The following UBTD2 variants were observed in gnomAD, a reference collection of about 807,000 sequenced individuals.
UBTD2 encodes the protein ubiquitin domain containing 2.
UBTD2 carries 9 observed loss-of-function variants against 19.8 expected under a neutral mutation model. That is an observed-to-expected ratio of 0.46 (90% CI 0.27 to 0.79). UBTD2 has a LOEUF of 0.79. Among genes scored for constraint, UBTD2 ranks in the 30% least tolerant of loss-of-function variants. The pLI, the probability that UBTD2 is intolerant of heterozygous loss-of-function variation, is 0.14. For synonymous variants in UBTD2, 98 were observed against 103.9 expected, an observed-to-expected ratio of 0.94 and a Z score of 0.35; for missense variants, 250 against 300.4, an observed-to-expected ratio of 0.83 and a Z score of 1.24.
chr5:172,253,456 A>C (rs1370681110), intron 1 of UBTD2, among the ~76,000 whole-genome samples: 2 of 129,862 alleles, frequency 1.5e-5, no homozygotes, highest in Non-Finnish European at 3.3e-5. Flanking sequence ...CAACCCTATC[A>C]ATTTTTTTTT....
intron 2 of UBTD2, among the ~76,000 whole-genome samples, chr5:172,218,798 T>TAAAAAAAAAAAAAAAAAAAAAA (rs58608463): frequency 8.2e-5 from 10 of 121,452 alleles, no homozygotes; most frequent in Non-Finnish European, 1.3e-4. Context: ...AATAAAAAAA[T>TAAAAAAAAAAAAAAAAAAAAAA]AAAAAAAAAA....
At chr5:172,228,458 T>C (rs935086951) in intron 2 of UBTD2, among the ~76,000 whole-genome samples, 3 of 152,160 alleles carry the variant, frequency 2.0e-5, no homozygotes, top group Admixed American at 1.3e-4. Flanking sequence ...CAGTGGCTCA[T>C]GCTTGTAATC....
chr5:172,253,882 G>A (rs1295258281), intron 1 of UBTD2, among the ~76,000 whole-genome samples: 1 of 152,004 alleles, frequency 6.6e-6, no homozygotes, highest in Non-Finnish European at 1.5e-5. Flanking sequence ...TACATCAAAT[G>A]TTATCTATAA....
chr5:172,234,210 G>A lies in UBTD2; in HGVS notation c.219C>T (p.Ala73=). ...AFEGRKEIWD[A]LKAAAHAFES... Reference sequence around the variant, plus strand: ...CAAAAGCATGTGCAGCAGCCTTCAAGGCATCCCAAATCTCTTTCCGGCCTT... The same window carrying A: ...CAAAAGCATGTGCAGCAGCCTTCAAAGCATCCCAAATCTCTTTCCGGCCTT... Residue 73 remains alanine, a synonymous_variant, in exon 2 of 3, where the codon GCC becomes GCT. Coordinates refer to ENST00000393792, the MANE Select transcript of UBTD2 (RefSeq NM_152277.3). 6 of 1,614,140 alleles carry A rather than the reference G, an allele frequency of 3.7e-6. No individual in the cohort carries two copies. The Middle Eastern group carries it at 4.9e-4, about 133-fold the overall frequency.
chr5:172,283,352 G>A lies in UBTD2; in HGVS notation c.70+244C>T, dbSNP rs993347340. ...CGGGTCCGACTTCCCCGAGCCGAGCGGGGCGGTCGGCGAGGCCAAGGGCTA... is the reference window on the plus strand; with the variant it reads ...CGGGTCCGACTTCCCCGAGCCGAGCAGGGCGGTCGGCGAGGCCAAGGGCTA... On this transcript the variant is annotated intron_variant, in intron 1 of 2. Coordinates refer to ENST00000393792, the MANE Select transcript of UBTD2 (RefSeq NM_152277.3). This position sits in a 1 kb window ranked among gnomAD's most constrained non-coding sequence, Gnocchi z 4.3. 6.6e-6 allele frequency among the ~76,000 whole-genome samples: 1 copy of A among 152,208 alleles called. No individual in the cohort carries two copies. The highest frequency in any genetic ancestry group is 1.5e-5 in the Non-Finnish European group (1 of 68,028).
chr5:172,269,793 G>T (rs1206689260), intron 1 of UBTD2, among the ~76,000 whole-genome samples: 5 of 149,632 alleles, frequency 3.3e-5, no homozygotes, highest in Admixed American at 2.7e-4. Flanking sequence ...AAGAGTCAGG[G>T]TAGGCCAGGC....
rs867627976 is a variant in UBTD2 at position 172,269,229 on chromosome 5, C to A, written c.70+14367G>T. Among the ~76,000 whole-genome samples the A allele has an allele frequency of 1.2e-4, 19 of 152,182 alleles. No individual in the cohort carries two copies. In the South Asian group the frequency reaches 1.9e-3, roughly 15 times the overall value. ...TTTGGGCGGGGCGGGGTGGCTCATGCCTGTAATCCTAGCACTTCGGGAGGC... is the reference window on the plus strand; with the variant it reads ...TTTGGGCGGGGCGGGGTGGCTCATGACTGTAATCCTAGCACTTCGGGAGGC... On this transcript the variant is annotated intron_variant, in intron 1 of 2. Coordinates refer to ENST00000393792, the MANE Select transcript of UBTD2 (RefSeq NM_152277.3).
chr5:172,259,026 T>C (rs560936453), intron 1 of UBTD2, among the ~76,000 whole-genome samples: 25 of 152,304 alleles, frequency 1.6e-4, no homozygotes, highest in Non-Finnish European at 3.2e-4. Context: ...TTTGTTCTGG[T>C]TCTCAAGGGG....
intron 1 of UBTD2, among the ~76,000 whole-genome samples, chr5:172,271,695 G>C (rs1364617543): frequency 6.6e-6 from 1 of 152,112 alleles, no homozygotes; most frequent in Non-Finnish European, 1.5e-5. Context: ...TAAAGTTTCA[G>C]GAAGAAGCAT....
At chr5:172,277,612 A>AG (rs1166454369) in intron 1 of UBTD2, among the ~76,000 whole-genome samples, 1 of 152,062 alleles carries the variant, frequency 6.6e-6, no homozygotes, top group African/African-American at 2.4e-5. Flanking sequence ...AGGCTGAACC[A>AG]GGAAGATTGG....
chr5:172,258,250 T>G (rs1280442090), intron 1 of UBTD2, among the ~76,000 whole-genome samples: 1 of 152,240 alleles, frequency 6.6e-6, no homozygotes, highest in East Asian at 1.9e-4. Context: ...ATTTATTGAA[T>G]AGGGAGTCCT....
chr5:172,280,009 G>A (rs538595912), intron 1 of UBTD2, among the ~76,000 whole-genome samples: 28 of 152,198 alleles, frequency 1.8e-4, no homozygotes, highest in African/African-American at 6.5e-4. Flanking sequence ...GCTGAGGCAG[G>A]AGAACTGCTT....
At chr5:172,274,233 C>T (rs112211675) in intron 1 of UBTD2, among the ~76,000 whole-genome samples, 2,289 of 150,946 alleles carry the variant, frequency 0.015, 61 homozygotes, top group African/African-American at 0.053. Flanking sequence ...CTCCACCTCC[C>T]GGGTTCAAGC....
chr5:172,263,098 T>C lies in UBTD2; in HGVS notation c.70+20498A>G, dbSNP rs541144976. On this transcript the variant is annotated intron_variant, in intron 1 of 2. Transcript: ENST00000393792. ...GACTACAGGTGCGCACCACCACACCTAGTTAATTTTTTTGTACAGACAGGG... is the reference window on the plus strand; with the variant it reads ...GACTACAGGTGCGCACCACCACACCCAGTTAATTTTTTTGTACAGACAGGG... Among the ~76,000 whole-genome samples the C allele has an allele frequency of 3.9e-5, 6 of 151,918 alleles. No homozygotes were observed. The South Asian group carries it at 1.0e-3, about 26-fold the overall frequency.
chr5:172,232,157 C>T (rs1302915052), intron 2 of UBTD2, among the ~76,000 whole-genome samples: 1 of 152,100 alleles, frequency 6.6e-6, no homozygotes, highest in African/African-American at 2.4e-5. Context: ...CCTGTAATCC[C>T]AGCTACTTGG....
chr5:172,240,170 C>G (rs79356694), intron 1 of UBTD2, among the ~76,000 whole-genome samples: 9,483 of 152,246 alleles, frequency 0.062, 523 homozygotes, highest in East Asian at 0.28. Flanking sequence ...TCTAATCTAC[C>G]ACTTAATCTA....
At chr5:172,255,292 T>C (rs1755118353) in intron 1 of UBTD2, 1 of 446,262 alleles carries the variant, frequency 2.2e-6, no homozygotes. Flanking sequence ...TTCTAGGGTC[T>C]GAAAGAACTC....
intron 1 of UBTD2, among the ~76,000 whole-genome samples, chr5:172,239,566 G>A (rs989795147): frequency 6.6e-6 from 1 of 151,754 alleles, no homozygotes; most frequent in African/African-American, 2.4e-5. Flanking sequence ...GATTACAGGC[G>A]CCTGCCACCA....
intron 1 of UBTD2, among the ~76,000 whole-genome samples, chr5:172,257,977 G>A (rs1268948118): frequency 6.6e-6 from 1 of 152,118 alleles, no homozygotes; most frequent in Non-Finnish European, 1.5e-5. Context: ...TTTATTGATA[G>A]TTTCTTTTGC....
Sources: gnomAD v4.1 joint callset for allele counts (sites outside exome capture counted in the v4.1 genomes callset) on GRCh38, gnomAD v4.1.1 for gene constraint, Gnocchi (gnomAD v3.1) non-coding constraint, MANE v1.5 for transcripts, NCBI Gene and HGNC (gene_info 2026-07-23, HGNC 2026-07-21) for gene names.